Variants in C2orf42 observed in about 807,000 individuals in gnomAD.
C2orf42 encodes the protein chromosome 2 open reading frame 42.
Under a neutral mutation model 58.9 loss-of-function variants are expected in C2orf42, and 44 were observed. The observed-to-expected ratio is 0.75, with a 90% confidence interval of 0.59 to 0.96. The LOEUF (loss-of-function observed/expected upper bound fraction) is 0.96, where lower values mean the gene tolerates loss of function less well. C2orf42 is among the 40% of genes least tolerant of loss of function. The pLI, the probability that C2orf42 is intolerant of heterozygous loss-of-function variation, is 0.00. For synonymous variants in C2orf42, 239 were observed against 265.4 expected (o/e 0.90, Z 0.97); for missense variants, 630 against 699.2 (o/e 0.90, Z 1.12).
rs925998585 is a variant in C2orf42 at position 70,174,944 on chromosome 2, T to A, written c.1039+729A>T. Among the ~76,000 whole-genome samples the A allele has an allele frequency of 1.2e-4, 18 of 152,192 alleles. 1 individual carries two copies. The East Asian group carries it at 2.5e-3, about 21-fold the overall frequency. ...GCCTCAGTCTCCCAAAGTGCTGGGA[T>A]TACAGGCGTGAGCACCGTGCTCAGC... On this transcript the variant is annotated intron_variant, in intron 5 of 9. Transcript: ENST00000264434.
At chr2:70,157,736 G>A (rs1252106137) in intron 9 of C2orf42, among the ~76,000 whole-genome samples, 2 of 152,126 alleles carry the variant, frequency 1.3e-5, no homozygotes, top group Non-Finnish European at 2.9e-5. Context: ...GGCGGAGGTT[G>A]CAGTGAGCCG....
chr2:70,186,774 TA>T (rs1361697153), intron 1 of C2orf42, among the ~76,000 whole-genome samples: 3 of 152,056 alleles, frequency 2.0e-5, no homozygotes, highest in African/African-American at 7.2e-5. Context: ...TATGCAGCCA[TA>T]AAAAATGATG....
At chr2:70,172,168 GAGCT>G (rs1673865906) in intron 5 of C2orf42, among the ~76,000 whole-genome samples, 1 of 148,996 alleles carries the variant, frequency 6.7e-6, no homozygotes, top group Non-Finnish European at 1.5e-5. Context: ...AGGTTGCAGT[GAGCT>G]GAGATTGTGC....
At chr2:70,178,639 G>A (rs968091213) in intron 4 of C2orf42, among the ~76,000 whole-genome samples, 10 of 149,738 alleles carry the variant, frequency 6.7e-5, no homozygotes, top group Admixed American at 1.3e-4. Context: ...AAGGCTGGGT[G>A]CAGCGGCTCA....
At chr2:70,170,583 C>T (rs1030801026) in intron 5 of C2orf42, among the ~76,000 whole-genome samples, 2 of 151,782 alleles carry the variant, frequency 1.3e-5, no homozygotes, top group African/African-American at 4.8e-5. Context: ...GTGAAACCCC[C>T]GTCTCTACTA....
chr2:70,161,485 C>T (rs917139717), intron 8 of C2orf42, among the ~76,000 whole-genome samples: 13 of 152,142 alleles, frequency 8.5e-5, no homozygotes, highest in Non-Finnish European at 5.9e-5. Flanking sequence ...TAAAGGAGTT[C>T]CTCAAGTGTT....
At chr2:70,160,444 G>C (rs541768425) in intron 9 of C2orf42, among the ~76,000 whole-genome samples, 181 bp downstream of exon 9, 2 of 152,158 alleles carry the variant, frequency 1.3e-5, no homozygotes, top group Non-Finnish European at 2.9e-5. Context: ...CACCTGGCCT[G>C]TAATTTTATT....
chr2:70,176,412 G>A (rs920593206), intron 4 of C2orf42, among the ~76,000 whole-genome samples: 3 of 151,816 alleles, frequency 2.0e-5, no homozygotes, highest in Non-Finnish European at 2.9e-5. Context: ...GCTGAGGCAG[G>A]AGAATCGCCT....
intron 1 of C2orf42, among the ~76,000 whole-genome samples, chr2:70,184,463 C>G (rs1412779871): frequency 6.6e-6 from 1 of 150,600 alleles, no homozygotes; most frequent in African/African-American, 2.4e-5. Context: ...AGACATGAAC[C>G]ACTGTGCCTG....
At chr2:70,153,121 G>A (rs1230563671) in intron 9 of C2orf42, among the ~76,000 whole-genome samples, 3 of 152,054 alleles carry the variant, frequency 2.0e-5, no homozygotes, top group African/African-American at 7.2e-5. Context: ...GTGAGAAGGA[G>A]GAGAAACCCT....
intron 9 of C2orf42, among the ~76,000 whole-genome samples, chr2:70,158,651 T>C (rs941260768): frequency 6.6e-6 from 1 of 152,058 alleles, no homozygotes; most frequent in Non-Finnish European, 1.5e-5. Context: ...GGTTTCACCA[T>C]GTTGGCCAGG....
chr2:70,183,468 C>T (rs1438235063), intron 1 of C2orf42, among the ~76,000 whole-genome samples: 3 of 151,438 alleles, frequency 2.0e-5, no homozygotes, highest in South Asian at 2.1e-4. Context: ...TCACTCTGCT[C>T]ACCCAGGCTG....
chr2:70,160,646 G>A lies in C2orf42; in HGVS notation c.1495C>T (p.Leu499=), dbSNP rs1672994746. 1 of 1,598,498 alleles carries A rather than the reference G, an allele frequency of 6.3e-7. No individual in the cohort carries two copies. Among genetic ancestry groups the A allele is most frequent in the Non-Finnish European group, 8.5e-7 (1 of 1,176,262 alleles). ...EKQPVLRPLE[L]KTFLKVGNTS... ...TTACCAACTTTGAGAAAAGTTTTTA[G>A]TTCCAAGGGTCGCAGCACTGGTTGT... Residue 499 remains leucine (L), a synonymous_variant, in exon 9 of 10, where the codon CTA becomes TTA. Transcript: ENST00000264434.
chr2:70,155,694 G>A (rs994758666), intron 9 of C2orf42, among the ~76,000 whole-genome samples: 4 of 151,904 alleles, frequency 2.6e-5, no homozygotes, highest in Non-Finnish European at 4.4e-5. Context: ...CAGCTACTCG[G>A]GAGGCTGAGG....
rs1212280801 is a variant in C2orf42, at chr2:70,165,146, A to G, written c.1299T>C (p.Tyr433=). ...GCAGGATATTAGTGATATGCCAAGT[A>G]TACTTGGAAAAGGTTCCCAGTGGCA... The part of the protein sequence containing the change: ...DALPLGTFSK[Y]TWHITNILQV... The change falls in exon 8 of 10, where the codon TAT becomes TAC. Residue 433 remains tyrosine (Y), a synonymous_variant. Coordinates refer to ENST00000264434, the MANE Select transcript of C2orf42 (RefSeq NM_017880.3). 1 of 1,612,002 alleles carries G rather than the reference A, an allele frequency of 6.2e-7. No homozygotes were observed. Among genetic ancestry groups the G allele is most frequent in the Non-Finnish European group, 8.5e-7 (1 of 1,178,814 alleles).
At chr2:70,154,083 A>AC (rs397706252) in intron 9 of C2orf42, among the ~76,000 whole-genome samples, 2 of 150,274 alleles carry the variant, frequency 1.3e-5, no homozygotes, top group African/African-American at 4.9e-5. Flanking sequence ...AAAAAAAAAA[A>AC]CACAGAAATT....
rs1368276968 is a variant in C2orf42, at chr2:70,181,270, T to C, written c.716A>G (p.Asp239Gly). 1.2e-6 allele frequency: 2 copies of C among 1,613,578 alleles called. No homozygotes were observed. Among genetic ancestry groups the C allele is most frequent in the South Asian group, 2.2e-5 (2 of 91,064 alleles). The change falls in exon 3 of 10, where the codon GAT becomes GGT. Residue 239 changes from aspartate to glycine, a missense_variant. Transcript: ENST00000264434. ...LKSHKSNASK[D>G]ETAQRCIHFF... ...ATGAATGCATCTCTGGGCTGTCTCA[T>C]CCTTGGAGGCATTTGACTTGTGCGA...
intron 8 of C2orf42, 118 bp downstream of exon 8, chr2:70,164,974 A>T (rs1010926935): frequency 7.9e-6 from 4 of 505,802 alleles, no homozygotes; most frequent in Non-Finnish European, 1.4e-5. Context: ...ATCTCTTAGC[A>T]TGAAAAAAAG....
At chr2:70,168,094 C>A (rs894290546) in intron 6 of C2orf42, among the ~76,000 whole-genome samples, 10 of 151,118 alleles carry the variant, frequency 6.6e-5, no homozygotes. Context: ...ATTGGCCAGG[C>A]ATGGTGGTGC....
Sources: gnomAD v4.1 joint callset for allele counts (sites outside exome capture counted in the v4.1 genomes callset) on GRCh38, gnomAD v4.1.1 for gene constraint, MANE v1.5 for transcripts, NCBI Gene and HGNC (gene_info 2026-07-23, HGNC 2026-07-21) for gene names.